ASXL3: variants seen among roughly 807,000 people sequenced by gnomAD.
ASXL3 encodes ASXL transcriptional regulator 3.
ASXL3 carries 34 observed loss-of-function variants against 170.6 expected under a neutral mutation model. The observed-to-expected ratio is 0.20, with a 90% confidence interval of 0.15 to 0.27. The LOEUF is 0.27. Ranked by LOEUF, ASXL3 falls within the 10% of genes least tolerant of loss-of-function variation. The pLI, the probability that ASXL3 is intolerant of heterozygous loss-of-function variation, is 1.00. For synonymous variants in ASXL3, 1,002 were observed against 989.1 expected, an observed-to-expected ratio of 1.01 and a Z score of -0.24; for missense variants, 2,592 against 2,695.3, an observed-to-expected ratio of 0.96 and a Z score of 0.85.
At chr18:33,673,928 T>A (rs2066387308) in intron 7 of ASXL3, among the ~76,000 whole-genome samples, 1 of 152,128 alleles carries the variant, frequency 6.6e-6, no homozygotes. Flanking sequence ...GACTACAAAG[T>A]AATGGAGATA....
At chr18:33,725,835 C>T (rs1194608759) in intron 8 of ASXL3, among the ~76,000 whole-genome samples, 1 of 152,144 alleles carries the variant, frequency 6.6e-6, no homozygotes, top group African/African-American at 2.4e-5. Flanking sequence ...CTTTTTGTCT[C>T]ATCTTTCTCA....
intron 8 of ASXL3, among the ~76,000 whole-genome samples, chr18:33,718,232 A>C (rs1161054835): frequency 6.6e-6 from 1 of 152,106 alleles, no homozygotes; most frequent in Non-Finnish European, 1.5e-5. Context: ...CATCTTTGGC[A>C]TTTAGTACTG....
chr18:33,713,257 T>G lies in ASXL3; in HGVS notation c.880-18711T>G, dbSNP rs1183783549. The stretch of plus-strand genomic sequence containing the variant: ...TTTTTTGTTTTGTTTTGTTTTTTTT[T>G]TTTTTTTTTTTTTTTTTGAGACAGG... On this transcript the variant is annotated intron_variant, in intron 8 of 11. Transcript: ENST00000269197. 8.9e-5 allele frequency among the ~76,000 whole-genome samples: 10 copies of G among 112,878 alleles called. 1 individual carries two copies. The highest frequency in any genetic ancestry group is 2.1e-4 in the African/African-American group (6 of 28,376). The allele number at this position is 112,878 out of a possible 152,430, so 74.1% of individuals were successfully genotyped here.
At chr18:33,620,619 T>G (rs1008996434) in intron 2 of ASXL3, among the ~76,000 whole-genome samples, 1 of 152,204 alleles carries the variant, frequency 6.6e-6, no homozygotes, top group Non-Finnish European at 1.5e-5. Flanking sequence ...TTTTATTGTA[T>G]TACTAAAAGT....
chr18:33,645,109 C>G (rs2065899458), intron 3 of ASXL3, 107 bp downstream of exon 3: 2 of 568,346 alleles, frequency 3.5e-6, no homozygotes, highest in East Asian at 3.1e-5. Context: ...GACTCCTATG[C>G]CTTTAAATGT....
At chr18:33,713,364 T>A (rs1182934119) in intron 8 of ASXL3, among the ~76,000 whole-genome samples, 1 of 139,840 alleles carries the variant, frequency 7.2e-6, no homozygotes, top group Non-Finnish European at 1.6e-5. Flanking sequence ...TTCAAGTGAT[T>A]CTCCTGCCTC....
At chr18:33,643,387 G>T (rs943699561) in intron 2 of ASXL3, among the ~76,000 whole-genome samples, 1 of 151,814 alleles carries the variant, frequency 6.6e-6, no homozygotes, top group African/African-American at 2.4e-5. Context: ...CTGCAAACTT[G>T]TAGGAGCTTC....
chr18:33,660,207 T>C (rs915943600), intron 4 of ASXL3, among the ~76,000 whole-genome samples: 1 of 152,164 alleles, frequency 6.6e-6, no homozygotes, highest in Admixed American at 6.5e-5. Context: ...ATATACCTTA[T>C]TGTGTTACAA....
In ASXL3 at chr18:33,743,740, A is replaced by G. The variant is rs368481682; in HGVS notation, c.3892A>G (p.Lys1298Glu). The change falls in exon 12 of 12, where the codon AAA (lysine) becomes GAA (glutamate). Residue 1298 changes from lysine to glutamate, a missense_variant. By Grantham distance (56) the Lys-to-Glu change is moderately conservative. Around this residue, in one of 4 missense-constraint regions of ASXL3, gnomAD observed 2,246 missense variants for 2,219.6 expected, o/e 1.01. Transcript: ENST00000269197. ...TDTPCIAIIP[K>E]CIESTPISAT... ...CACTCCATGCATAGCCATTATACCA[A>G]AATGTATTGAAAGCACTCCCATTTC... 2.8e-5 allele frequency: 45 copies of G among 1,613,892 alleles called. No homozygotes were observed. The African/African-American group carries it at 5.9e-4, about 21-fold the overall frequency.
chr18:33,637,005 A>G (rs1272930994), intron 2 of ASXL3, among the ~76,000 whole-genome samples: 1 of 152,028 alleles, frequency 6.6e-6, no homozygotes, highest in African/African-American at 2.4e-5. Flanking sequence ...GTACATAGAG[A>G]TACGTTTGTG....
In ASXL3 at chr18:33,747,273, A is replaced by G. The variant is rs1168483098; in HGVS notation, c.*678A>G. On this transcript the variant is annotated 3_prime_UTR_variant, in exon 12 of 12. Coordinates refer to ENST00000269197, the MANE Select transcript of ASXL3 (RefSeq NM_030632.3). ...CATATTGTAGTGAAATGTGTCCTAC[A>G]TCTGAAATTGCATGGGACTCATGCC... 6.6e-6 allele frequency: 1 copy of G among 152,174 alleles called. No individual in the cohort carries two copies. Among genetic ancestry groups the G allele is most frequent in the African/African-American group, 2.4e-5 (1 of 41,440 alleles). 9.4% of individuals were successfully genotyped at this position (152,174 alleles called of 1,614,324 possible).
At chr18:33,609,613 GTAAT>G (rs533688526) in intron 2 of ASXL3, among the ~76,000 whole-genome samples, 15 of 152,042 alleles carry the variant, frequency 9.9e-5, no homozygotes, top group African/African-American at 3.6e-4. Context: ...TCTTCAAAGA[GTAAT>G]TAAAGAACAC....
rs2065483859 is a variant in ASXL3 at position 33,619,945 on chromosome 18, GA to G, written c.137+12273del. Among the ~76,000 whole-genome samples, 4 of 152,216 alleles carry G rather than the reference GA, an allele frequency of 2.6e-5. No individual in the cohort carries two copies. The South Asian group carries it at 8.3e-4, about 32-fold the overall frequency. ...CTTTTGAGATACGTGTCTAGGCAAA[GA>G]AAAGGAGGCCTGAATGAATGCCCCA... On this transcript the variant is annotated intron_variant, in intron 2 of 11. Transcript: ENST00000269197.
At chr18:33,608,144 C>T (rs1206589846) in intron 2 of ASXL3, among the ~76,000 whole-genome samples, 1 of 151,894 alleles carries the variant, frequency 6.6e-6, no homozygotes, top group Non-Finnish European at 1.5e-5. Context: ...GCTGTTGAGC[C>T]TAATATTTAT....
chr18:33,716,883 G>A (rs890460328), intron 8 of ASXL3, among the ~76,000 whole-genome samples: 1 of 135,510 alleles, frequency 7.4e-6, no homozygotes, highest in Admixed American at 7.9e-5. Context: ...TGCAAGAAAT[G>A]GAGATTTGCT....
At chr18:33,727,424 TGG>T (rs1342722740) in intron 8 of ASXL3, among the ~76,000 whole-genome samples, 1 of 152,174 alleles carries the variant, frequency 6.6e-6, no homozygotes, top group Non-Finnish European at 1.5e-5. Flanking sequence ...GAATTCCAGT[TGG>T]CACCCATTCC....
intron 1 of ASXL3, among the ~76,000 whole-genome samples, chr18:33,593,544 C>G (rs1446542132): frequency 6.6e-6 from 1 of 152,110 alleles, no homozygotes; most frequent in Admixed American, 6.5e-5. Context: ...CGCAGACTTT[C>G]ATACCACAAG....
In ASXL3 at chr18:33,658,311, G is replaced by A. The variant is rs776572460; in HGVS notation, c.356-3305G>A. ...TATCACATCTATTATTAAGAAAGCT[G>A]CAAGAATAAGTAAAAGTGAAAACCT... On this transcript the variant is annotated intron_variant, in intron 4 of 11. Transcript: ENST00000269197. 1.6e-3 allele frequency among the ~76,000 whole-genome samples: 238 copies of A among 152,232 alleles called. 7 individuals carry two copies. Among genetic ancestry groups the A allele is most frequent in the Admixed American group, 9.8e-4 (15 of 15,262 alleles).
intron 8 of ASXL3, among the ~76,000 whole-genome samples, chr18:33,688,618 A>G (rs553794675): frequency 2.6e-5 from 4 of 152,344 alleles, no homozygotes; most frequent in South Asian, 4.1e-4. Context: ...ATAGATAGAA[A>G]ATAACAAATC....
Sources: gnomAD v4.1 joint callset for allele counts (sites outside exome capture counted in the v4.1 genomes callset) on GRCh38, gnomAD v4.1.1 for gene constraint, gnomAD v4.1.1 regional missense constraint, MANE v1.5 for transcripts, NCBI Gene and HGNC (gene_info 2026-07-23, HGNC 2026-07-21) for gene names.